Variants in KIRREL3 observed in about 807,000 individuals in gnomAD.
KIRREL3 encodes kirre like nephrin family adhesion molecule 3, also known as kin of IRRE-like protein 3.
Under a neutral mutation model 89.7 loss-of-function variants are expected in KIRREL3, and 36 were observed. That is an observed-to-expected ratio of 0.40 (90% confidence interval 0.31 to 0.53). The LOEUF (loss-of-function observed/expected upper bound fraction) is 0.53, where lower values mean the gene tolerates loss of function less well. Ranked by LOEUF, KIRREL3 falls within the 20% of genes least tolerant of loss-of-function variation. The probability of loss-of-function intolerance (pLI) is 0.49; values close to 1 mark genes in which losing one functional copy is unlikely to be tolerated. For missense variants in KIRREL3, 864 were observed against 1,056.6 expected, an observed-to-expected ratio of 0.82 and a Z score of 2.53; for synonymous variants, 445 against 441.4, an observed-to-expected ratio of 1.01 and a Z score of -0.10.
chr11:126,863,436 CGTGTGTGAGTGT>C (rs1450451414), intron 1 of KIRREL3, among the ~76,000 whole-genome samples: 21 of 60,532 alleles, frequency 3.5e-4, no homozygotes, highest in Non-Finnish European at 6.0e-4. Context: ...TGTGTGAGTG[CGTGTGTGAGTGT>C]GTGTGTTTGA....
In KIRREL3 at chr11:126,574,099, C is replaced by G. The variant is rs1042046274; in HGVS notation, c.56-11187G>C. Among the ~76,000 whole-genome samples, 1 of 152,234 alleles carries G rather than the reference C, an allele frequency of 6.6e-6. No individual in the cohort carries two copies. On this transcript the variant is annotated intron_variant, in intron 1 of 16. Transcript: ENST00000525144. The surrounding 1 kb of genome is among the most constrained non-coding windows in gnomAD (Gnocchi z 5.3). ...AACATCGGTTGCGGAATGTGGAAAC[C>G]AGGTTAACTGAGTATTATTGGCAAC...
In KIRREL3 at chr11:126,999,657, A is replaced by G. The variant is rs1213236483; in HGVS notation, c.55+798T>C. On this transcript the variant is annotated intron_variant, in intron 1 of 16. Coordinates refer to ENST00000525144, the MANE Select transcript of KIRREL3 (RefSeq NM_032531.4). The surrounding 1 kb of genome is among the most constrained non-coding windows in gnomAD (Gnocchi z 5.7). ...TGCCTTTGGCCAACTAGGCACTCAC[A>G]TTCCCTCTCCCGAATTTCCCTCTCC... Among the ~76,000 whole-genome samples the G allele has an allele frequency of 6.6e-6, 1 of 152,136 alleles. No homozygotes were observed. The highest frequency in any genetic ancestry group is 1.5e-5 in the Non-Finnish European group (1 of 68,012).
chr11:126,842,355 C>A (rs1020191881), intron 1 of KIRREL3, among the ~76,000 whole-genome samples: 4 of 152,146 alleles, frequency 2.6e-5, no homozygotes, highest in Non-Finnish European at 5.9e-5. Flanking sequence ...ATGAAAAAAA[C>A]CTCCCTTCAT....
chr11:126,947,272 G>A (rs935322087), intron 1 of KIRREL3, among the ~76,000 whole-genome samples: 1 of 151,976 alleles, frequency 6.6e-6, no homozygotes, highest in South Asian at 2.1e-4. Context: ...TTTTCTTCTT[G>A]TCTTCCACTC....
chr11:126,911,345 C>G (rs1469331250), intron 1 of KIRREL3, among the ~76,000 whole-genome samples: 1 of 152,204 alleles, frequency 6.6e-6, no homozygotes, highest in Non-Finnish European at 1.5e-5. Flanking sequence ...ATTAAAAAAA[C>G]CTAATGGAGA....
intron 1 of KIRREL3, among the ~76,000 whole-genome samples, chr11:126,854,126 T>TTTTTTG (rs1555060276): frequency 6.9e-6 from 1 of 143,922 alleles, no homozygotes; most frequent in Non-Finnish European, 1.5e-5. Context: ...AATAAGTTTC[T>TTTTTTG]TGTGTGTGTG....
intron 1 of KIRREL3, among the ~76,000 whole-genome samples, chr11:126,794,353 G>A (rs1032592242): frequency 6.6e-6 from 1 of 152,166 alleles, no homozygotes; most frequent in Non-Finnish European, 1.5e-5. Context: ...TGTTCAGTGG[G>A]GTAGACTCAA....
chr11:126,651,736 A>G lies in KIRREL3; in HGVS notation c.56-88824T>C, dbSNP rs1944914461. 6.6e-6 allele frequency among the ~76,000 whole-genome samples: 1 copy of G among 152,182 alleles called. No individual in the cohort carries two copies. ...TTTCATTCCTTTTTTATAATAAGCT[A>G]ATTAGTTTAAATTATTTGTACTTGT... On this transcript the variant is annotated intron_variant, in intron 1 of 16. Transcript: ENST00000525144. The surrounding 1 kb of genome is among the most constrained non-coding windows in gnomAD (Gnocchi z 4.6).
intron 1 of KIRREL3, among the ~76,000 whole-genome samples, chr11:126,757,037 A>T (rs994173757): frequency 1.3e-5 from 2 of 152,152 alleles, no homozygotes; most frequent in Non-Finnish European, 2.9e-5. Flanking sequence ...TACACACATC[A>T]TTTCTGAACC....
At chr11:126,589,723 A>G (rs1025098406) in intron 1 of KIRREL3, among the ~76,000 whole-genome samples, 9 of 152,158 alleles carry the variant, frequency 5.9e-5, no homozygotes, top group African/African-American at 2.2e-4. Flanking sequence ...GCGTGAGTGC[A>G]GCCCCTTACC....
At chr11:126,577,466 G>A (rs969285506) in intron 1 of KIRREL3, among the ~76,000 whole-genome samples, 1 of 151,936 alleles carries the variant, frequency 6.6e-6, no homozygotes, top group Non-Finnish European at 1.5e-5. Flanking sequence ...CTAACCGCTG[G>A]CCTGGTACAG....
intron 1 of KIRREL3, among the ~76,000 whole-genome samples, chr11:126,760,515 A>G (rs778670558): frequency 2.6e-5 from 4 of 152,250 alleles, no homozygotes; most frequent in Non-Finnish European, 4.4e-5. Context: ...GAAACACCGA[A>G]GAAGAGTCAG....
rs1005324944 is a variant in KIRREL3, at chr11:126,427,223, G to A, written c.1807-1499C>T. On this transcript the variant is annotated intron_variant, in intron 15 of 16. Coordinates refer to ENST00000525144, the MANE Select transcript of KIRREL3 (RefSeq NM_032531.4). This position sits in a 1 kb window ranked among gnomAD's most constrained non-coding sequence, Gnocchi z 5.3. ...CATCTAGGCTGTGGTTTCCTCCCTC[G>A]TAAAACTAAACACTCCACTGTGTTA... 6.6e-6 allele frequency among the ~76,000 whole-genome samples: 1 copy of A among 152,120 alleles called. No homozygotes were observed. The highest frequency in any genetic ancestry group is 2.4e-5 in the African/African-American group (1 of 41,400).
intron 1 of KIRREL3, among the ~76,000 whole-genome samples, chr11:126,775,803 G>A (rs1362452601): frequency 6.6e-6 from 1 of 152,186 alleles, no homozygotes; most frequent in South Asian, 2.1e-4. Flanking sequence ...AATTGAGCTG[G>A]GGTGTGGAGC....
intron 1 of KIRREL3, among the ~76,000 whole-genome samples, chr11:126,591,138 A>G (rs1370072306): frequency 4.6e-5 from 7 of 152,108 alleles, no homozygotes; most frequent in African/African-American, 1.7e-4. Context: ...AGGCAGGAGG[A>G]TCGCTTGAGC....
At chr11:126,679,762 A>AT (rs1166203281) in intron 1 of KIRREL3, among the ~76,000 whole-genome samples, 2 of 152,104 alleles carry the variant, frequency 1.3e-5, no homozygotes, top group Non-Finnish European at 2.9e-5. Context: ...AAAATTGCAT[A>AT]TTTTTTACCT....
At position 126,526,070 on chromosome 11, in the gene KIRREL3, A is replaced by G. The variant is rs1477698012; in HGVS notation, c.283+468T>C. ...TTCTTCCCATCTCATGATGGCTCCT[A>G]AGATCAACTAGGTGTCTTTGTGAGT... On this transcript the variant is annotated intron_variant, in intron 3 of 16. Transcript: ENST00000525144. The surrounding 1 kb of genome is among the most constrained non-coding windows in gnomAD (Gnocchi z 5.7). Among the ~76,000 whole-genome samples the G allele has an allele frequency of 6.6e-6, 1 of 152,152 alleles. No homozygotes were observed. Among genetic ancestry groups the G allele is most frequent in the East Asian group, 1.9e-4 (1 of 5,190 alleles).
chr11:126,743,829 A>T (rs1204702974), intron 1 of KIRREL3, among the ~76,000 whole-genome samples: 1 of 152,210 alleles, frequency 6.6e-6, no homozygotes, highest in Non-Finnish European at 1.5e-5. Context: ...TGGCAAATAC[A>T]CACAGATTCC....
At chr11:126,941,469 T>A (rs1948442172) in intron 1 of KIRREL3, among the ~76,000 whole-genome samples, 1 of 152,154 alleles carries the variant, frequency 6.6e-6, no homozygotes, top group Non-Finnish European at 1.5e-5. Context: ...GAAGTGGAGC[T>A]CAGGAATCTG....
Sources: allele counts gnomAD v4.1 joint callset (sites outside exome capture counted in the v4.1 genomes callset), GRCh38; gene constraint gnomAD v4.1.1; non-coding constraint Gnocchi (gnomAD v3.1); transcripts MANE v1.5; gene names NCBI Gene and HGNC (gene_info 2026-07-23, HGNC 2026-07-21).